Variants in AMDHD1 observed in about 807,000 individuals in gnomAD.
AMDHD1 encodes the protein probable imidazolonepropionase.
AMDHD1 carries 45 observed loss-of-function variants against 44.1 expected under a neutral mutation model. The observed-to-expected ratio is 1.02, with a 90% CI of 0.80 to 1.31. The LOEUF is 1.31. AMDHD1 is among the 50% of genes most tolerant of loss of function. The pLI is 0.00. For missense variants in AMDHD1, 586 were observed against 552.1 expected (o/e 1.06, Z -0.61); for synonymous variants, 206 against 205.0 (o/e 1.00, Z -0.04).
Position 95,957,041 on chromosome 12 carries a change from T to TTA in AMDHD1, c.587+80_587+81dup, listed in dbSNP as rs1163147052. ...CCGGGGGTGGAGGCGCATTAGCACT[T>TTA]TAGCTCTTGCAGGGAGATGGATAGA... On this transcript the variant is annotated intron_variant, in intron 4 of 8. Transcript: ENST00000266736. The TTA allele has an allele frequency of 6.4e-6, 10 of 1,563,848 alleles. No individual in the cohort carries two copies. In the African/African-American group the frequency reaches 1.3e-4, roughly 21 times the overall value.
Position 95,943,508 on chromosome 12 carries a change from T to G in AMDHD1, c.110T>G (p.Leu37Arg). 6.7e-7 allele frequency: 1 copy of G among 1,492,058 alleles called. No homozygotes were observed. Among genetic ancestry groups the G allele is most frequent in the Non-Finnish European group, 8.9e-7 (1 of 1,123,988 alleles). 92.4% of individuals were successfully genotyped at this position (1,492,058 alleles called of 1,614,324 possible). The change falls in exon 1 of 9, where the codon CTG (leucine) becomes CGG (arginine). Residue 37 changes from leucine to arginine, a missense_variant. By Grantham distance (102) the Leu-to-Arg change is moderately radical. Transcript: ENST00000266736. ...GATGCGCTGCGCAGCCTGGCGGTGC[T>G]GGAAGGCGCCAGCCTGGTGGTGGGC... is the stretch of plus-strand genomic sequence containing the variant. ...ARDALRSLAVLEGASLVVGKD... is the reference protein window; with the variant it reads ...ARDALRSLAVREGASLVVGKD...
At chr12:95,948,267 T>G (rs1238751872) in intron 1 of AMDHD1, among the ~76,000 whole-genome samples, 44 of 85,792 alleles carry the variant, frequency 5.1e-4, no homozygotes, top group East Asian at 1.3e-3. Context: ...GAGGTGGGGG[T>G]GTCAGCCCCA....
intron 6 of AMDHD1, among the ~76,000 whole-genome samples, chr12:95,962,949 G>A (rs929822463): frequency 1.3e-5 from 2 of 152,106 alleles, no homozygotes; most frequent in Non-Finnish European, 2.9e-5. Context: ...GGGGGTGGGA[G>A]GAAAGAGGAG....
intron 3 of AMDHD1, 171 bp from the exon 4 acceptor site, chr12:95,956,514 G>A: frequency 1.2e-6 from 1 of 854,380 alleles, no homozygotes; most frequent in Non-Finnish European, 1.8e-6. Context: ...GTGTCTGGCA[G>A]ACTAGGGGCT....
At position 95,956,949 on chromosome 12, in the gene AMDHD1, C is replaced by T. The variant is rs752917469; in HGVS notation, c.574C>T (p.His192Tyr). The T allele has an allele frequency of 3.7e-6, 6 of 1,612,256 alleles. No homozygotes were observed. Among genetic ancestry groups the T allele is most frequent in the Non-Finnish European group, 5.1e-6 (6 of 1,179,894 alleles). Residue 192 changes from histidine to tyrosine, a missense_variant, in exon 4 of 9, where the codon CAT becomes TAT. Coordinates refer to ENST00000266736, the MANE Select transcript of AMDHD1 (RefSeq NM_152435.3). ...CATCTCGGCTACCTACTGCGGGGCTCATTCAGTGCCTAAGTAATCTCAGCC... is the reference window on the plus strand; with the variant it reads ...CATCTCGGCTACCTACTGCGGGGCTTATTCAGTGCCTAAGTAATCTCAGCC... ...IGISATYCGA[H>Y]SVPKGKTATE... is the part of the protein sequence containing the mutation.
chr12:95,949,542 A>C (rs1392848327), intron 1 of AMDHD1, among the ~76,000 whole-genome samples: 1 of 152,232 alleles, frequency 6.6e-6, no homozygotes, highest in Non-Finnish European at 1.5e-5. Flanking sequence ...ATATACGTTC[A>C]TTGTAGGAAA....
intron 2 of AMDHD1, 123 bp from the exon 3 acceptor site, chr12:95,954,788 C>T (rs1430517363): frequency 5.2e-5 from 42 of 805,440 alleles, no homozygotes. Context: ...TTTCATGCTC[C>T]TCCAAAATGG....
chr12:95,959,882 G>A (rs1031454955), intron 4 of AMDHD1, among the ~76,000 whole-genome samples: 11 of 127,962 alleles, frequency 8.6e-5, no homozygotes, highest in Non-Finnish European at 1.6e-4. Context: ...TGCAACCTCC[G>A]CCTCCCTGGC....
chr12:95,953,212 A>G (rs2136762666), intron 2 of AMDHD1, among the ~76,000 whole-genome samples: 1 of 152,342 alleles, frequency 6.6e-6, no homozygotes, highest in South Asian at 2.1e-4. Context: ...AAAACAGTCA[A>G]AAGAACTTTA....
rs60076877 is a variant in AMDHD1 at position 95,964,928 on chromosome 12, C to CAAAAAAAAAAAAAAA, written c.939-749_939-735dup. Among the ~76,000 whole-genome samples, 252 of 35,820 alleles carry CAAAAAAAAAAAAAAA rather than the reference C, an allele frequency of 7.0e-3. 73 individuals are homozygous for CAAAAAAAAAAAAAAA. The highest frequency in any genetic ancestry group is 0.024 in the African/African-American group (175 of 7,352). 23.5% of individuals were successfully genotyped at this position (35,820 alleles called of 152,430 possible). A position where few individuals can be genotyped will look rare whatever the true frequency, so the allele number is the denominator to read the frequency against. On this transcript the variant is annotated intron_variant, in intron 6 of 8. Transcript: ENST00000266736. ...AAAGGACCTACAGAGATGTTTGAGG[C>CAAAAAAAAAAAAAAA]AAAAAAAAAAAAAAAAAAAAAAAGA...
At chr12:95,944,693 G>C (rs1232598714) in intron 1 of AMDHD1, among the ~76,000 whole-genome samples, 1 of 152,156 alleles carries the variant, frequency 6.6e-6, no homozygotes, top group African/African-American at 2.4e-5. Context: ...GAGATTACAG[G>C]CGTGAACCAC....
At chr12:95,951,503 A>T (rs1276618460) in intron 1 of AMDHD1, among the ~76,000 whole-genome samples, 1 of 152,138 alleles carries the variant, frequency 6.6e-6, no homozygotes, top group Non-Finnish European at 1.5e-5. Context: ...GTGGGCACTT[A>T]GTGTACTTCC....
intron 8 of AMDHD1, 30 bp downstream of exon 8, chr12:95,966,538 A>G (rs371734841): frequency 1.2e-6 from 2 of 1,613,096 alleles, no homozygotes; most frequent in Non-Finnish European, 1.7e-6. Flanking sequence ...GCTCTTTTAT[A>G]TTATGCCCAC....
intron 6 of AMDHD1, among the ~76,000 whole-genome samples, chr12:95,962,853 A>G (rs2080589524): frequency 6.6e-6 from 1 of 152,234 alleles, no homozygotes; most frequent in Non-Finnish European, 1.5e-5. Context: ...TGTTAAAGAT[A>G]TTTAGCAGTA....
chr12:95,958,132 T>C (rs2080562143), intron 4 of AMDHD1, among the ~76,000 whole-genome samples: 1 of 152,084 alleles, frequency 6.6e-6, no homozygotes, highest in South Asian at 2.1e-4. Context: ...TATGTATACC[T>C]TGTGAAATGG....
At chr12:95,956,609 C>A (rs897953184) in intron 3 of AMDHD1, 76 bp from the exon 4 acceptor site, 40 of 1,559,146 alleles carry the variant, frequency 2.6e-5, no homozygotes, top group Non-Finnish European at 3.3e-5. Flanking sequence ...TATAATATTG[C>A]CCCTGGAAGT....
chr12:95,961,649 T>C (rs2080582078), intron 5 of AMDHD1, among the ~76,000 whole-genome samples: 1 of 152,248 alleles, frequency 6.6e-6, no homozygotes, highest in Non-Finnish European at 1.5e-5. Flanking sequence ...CCATCACCTG[T>C]CTGTCGCTTA....
At chr12:95,951,057 A>G (rs2080523641) in intron 1 of AMDHD1, among the ~76,000 whole-genome samples, 1 of 152,202 alleles carries the variant, frequency 6.6e-6, no homozygotes, top group South Asian at 2.1e-4. Flanking sequence ...CATCATCTCA[A>G]GCATTCATCA....
chr12:95,953,506 A>G (rs1489494915), intron 2 of AMDHD1, among the ~76,000 whole-genome samples: 1 of 150,798 alleles, frequency 6.6e-6, no homozygotes, highest in Non-Finnish European at 1.5e-5. Flanking sequence ...CTTCATATTT[A>G]TATTTTTTTA....
Sources: allele counts gnomAD v4.1 joint callset (sites outside exome capture counted in the v4.1 genomes callset), GRCh38; gene constraint gnomAD v4.1.1; transcripts MANE v1.5; gene names NCBI Gene and HGNC (gene_info 2026-07-23, HGNC 2026-07-21).